THSD7A: variants seen among roughly 807,000 people sequenced by gnomAD.
THSD7A encodes the protein thrombospondin type 1 domain containing 7A, also known as thrombospondin type-1 domain-containing protein 7A.
THSD7A carries 96 observed loss-of-function variants against 231.3 expected under a neutral mutation model. The observed-to-expected ratio is 0.41, with a 90% confidence interval of 0.35 to 0.49. The LOEUF (loss-of-function observed/expected upper bound fraction) is 0.49, where lower values mean the gene tolerates loss of function less well. THSD7A is among the 20% of genes least tolerant of loss of function. The pLI is 0.05. For missense variants in THSD7A, 2,290 were observed against 2,070.2 expected (o/e 1.11, Z -2.06); for synonymous variants, 940 against 743.3 (o/e 1.26, Z -4.30).
chr7:11,635,348 G>A (rs1351814873), intron 2 of THSD7A, among the ~76,000 whole-genome samples: 2 of 152,092 alleles, frequency 1.3e-5, no homozygotes, highest in East Asian at 1.9e-4. Flanking sequence ...ACTCCCAGAT[G>A]GTCTGGTTTA....
intron 6 of THSD7A, among the ~76,000 whole-genome samples, chr7:11,518,058 T>G (rs6460819): frequency 0.85 from 129,440 of 152,070 alleles, 55,603 homozygotes; most frequent in Middle Eastern, 0.91. Context: ...TGCTGGATGG[T>G]TGACCCTGCC....
In THSD7A at chr7:11,732,681, C is replaced by A. The variant is rs368235475; in HGVS notation, c.191-95720G>T. 3.0e-4 allele frequency among the ~76,000 whole-genome samples: 46 copies of A among 151,964 alleles called. No individual in the cohort carries two copies. The East Asian group carries it at 7.8e-3, about 26-fold the overall frequency. ...ATAGCAAATTTGTTTTCAACTCTAT[C>A]TTATCCAGAGTTAATTATCTTTACA... On this transcript the variant is annotated intron_variant, in intron 1 of 27. Coordinates refer to ENST00000423059, the MANE Select transcript of THSD7A (RefSeq NM_015204.3).
chr7:11,720,322 A>G (rs1046569452), intron 1 of THSD7A, among the ~76,000 whole-genome samples: 62 of 151,740 alleles, frequency 4.1e-4, no homozygotes, highest in African/African-American at 1.4e-3. Flanking sequence ...GAATCTCTCA[A>G]CTTTTCATTG....
At chr7:11,801,510 CT>C (rs1206451658) in intron 1 of THSD7A, among the ~76,000 whole-genome samples, 1 of 152,122 alleles carries the variant, frequency 6.6e-6, no homozygotes, top group Non-Finnish European at 1.5e-5. Context: ...AATTTTAACC[CT>C]GGTGCATATG....
rs1368476856 is a variant in THSD7A, at chr7:11,372,035, G to C, written c.*3759C>G. The C allele has an allele frequency of 6.6e-6, 1 of 151,800 alleles. No homozygotes were observed. The highest frequency in any genetic ancestry group is 1.5e-5 in the Non-Finnish European group (1 of 67,984). 9.4% of individuals were successfully genotyped at this position (151,800 alleles called of 1,614,324 possible). The stretch of plus-strand genomic sequence containing the variant: ...GGGGGAGGTAAATAAGTGTGTGAGA[G>C]GTCTATTCAATTTCTGTGAGAAGGA... On this transcript the variant is annotated 3_prime_UTR_variant, in exon 28 of 28. Coordinates refer to ENST00000423059, the MANE Select transcript of THSD7A (RefSeq NM_015204.3).
At chr7:11,499,623 A>T (rs1288962983) in intron 6 of THSD7A, among the ~76,000 whole-genome samples, 1 of 152,228 alleles carries the variant, frequency 6.6e-6, no homozygotes, top group Non-Finnish European at 1.5e-5. Context: ...TACAAAAAAG[A>T]ATCTAATGGG....
intron 6 of THSD7A, among the ~76,000 whole-genome samples, chr7:11,513,891 C>T (rs996079931): frequency 1.3e-5 from 2 of 151,508 alleles, no homozygotes; most frequent in Non-Finnish European, 2.9e-5. Context: ...CCCCTTCATC[C>T]CCCTCCCCCC....
intron 1 of THSD7A, among the ~76,000 whole-genome samples, chr7:11,678,593 C>A (rs1783737434): frequency 6.6e-6 from 1 of 152,142 alleles, no homozygotes; most frequent in Non-Finnish European, 1.5e-5. Context: ...ATTAGAAAAT[C>A]TAGAAGACAT....
intron 1 of THSD7A, among the ~76,000 whole-genome samples, chr7:11,657,565 C>T (rs1428760754): frequency 2.6e-5 from 4 of 151,776 alleles, no homozygotes; most frequent in Non-Finnish European, 5.9e-5. Flanking sequence ...CACCTACACT[C>T]TTAAGTTATG....
chr7:11,408,160 C>A (rs1334033903), intron 19 of THSD7A, among the ~76,000 whole-genome samples: 1 of 152,084 alleles, frequency 6.6e-6, no homozygotes, highest in African/African-American at 2.4e-5. Context: ...GTTTCAAATT[C>A]TTCTACTGTA....
At chr7:11,452,754 T>C (rs1785185686) in intron 11 of THSD7A, among the ~76,000 whole-genome samples, 1 of 152,006 alleles carries the variant, frequency 6.6e-6, no homozygotes, top group African/African-American at 2.4e-5. Context: ...ATAAGCATTT[T>C]ATGACAGATC....
chr7:11,726,533 A>G (rs1157791070), intron 1 of THSD7A, among the ~76,000 whole-genome samples: 2 of 145,982 alleles, frequency 1.4e-5, no homozygotes, highest in East Asian at 4.2e-4. Flanking sequence ...ATGCAGACAG[A>G]TGCCCAGAAT....
chr7:11,487,673 A>C (rs1197640744), intron 6 of THSD7A, among the ~76,000 whole-genome samples: 1 of 152,102 alleles, frequency 6.6e-6, no homozygotes, highest in Non-Finnish European at 1.5e-5. Flanking sequence ...GAAGAAGGAA[A>C]GGCATGCCTT....
intron 1 of THSD7A, among the ~76,000 whole-genome samples, chr7:11,691,455 A>G (rs576429560): frequency 1.3e-5 from 2 of 151,556 alleles, no homozygotes; most frequent in Non-Finnish European, 3.0e-5. Context: ...AAGTGGGAGT[A>G]GAGGTTAACT....
Position 11,370,384 on chromosome 7 carries a change from A to G in THSD7A, c.*5410T>C, listed in dbSNP as rs534983155. Reference sequence around the variant, plus strand: ...TAGGTATTCACTGGAAAAAAATTTTAATCCATATTTAAGAAGCAATTGGTG... The same window carrying G: ...TAGGTATTCACTGGAAAAAAATTTTGATCCATATTTAAGAAGCAATTGGTG... On this transcript the variant is annotated 3_prime_UTR_variant, in exon 28 of 28. Coordinates refer to ENST00000423059, the MANE Select transcript of THSD7A (RefSeq NM_015204.3). 79 of 152,332 alleles carry G rather than the reference A, an allele frequency of 5.2e-4. No individual in the cohort carries two copies. The highest frequency in any genetic ancestry group is 1.8e-3 in the African/African-American group (75 of 41,578). The allele number at this position is 152,332 out of a possible 1,614,324, so 9.4% of individuals were successfully genotyped here.
chr7:11,398,792 C>G (rs1783289521), intron 23 of THSD7A, among the ~76,000 whole-genome samples: 2 of 152,134 alleles, frequency 1.3e-5, no homozygotes, highest in Non-Finnish European at 2.9e-5. Context: ...CTGCAGCCAG[C>G]CCTGATCAGT....
intron 1 of THSD7A, among the ~76,000 whole-genome samples, chr7:11,681,122 C>T (rs1783852511): frequency 1.3e-5 from 2 of 152,006 alleles, no homozygotes; most frequent in African/African-American, 4.8e-5. Context: ...AACGCTGCAT[C>T]TTCTCACTTA....
intron 2 of THSD7A, among the ~76,000 whole-genome samples, chr7:11,597,443 C>T (rs1257708385): frequency 1.3e-5 from 2 of 152,172 alleles, no homozygotes; most frequent in Non-Finnish European, 1.5e-5. Context: ...TGGGTCCAGG[C>T]TGCTGTGCAA....
At chr7:11,407,918 T>C in intron 19 of THSD7A, among the ~76,000 whole-genome samples, 1 of 152,310 alleles carries the variant, frequency 6.6e-6, no homozygotes. Flanking sequence ...TGAAATAATA[T>C]AAAGTATCAG....
Sources: allele counts gnomAD v4.1 joint callset (sites outside exome capture counted in the v4.1 genomes callset), GRCh38; gene constraint gnomAD v4.1.1; transcripts MANE v1.5; gene names NCBI Gene and HGNC (gene_info 2026-07-23, HGNC 2026-07-21).